The following SLC26A6 variants were observed in gnomAD, a reference collection of about 807,000 sequenced individuals.
The protein encoded by SLC26A6 is anion exchange transporter.
A neutral mutation model predicts 87.1 loss-of-function variants in SLC26A6; 67 were observed. That is an observed-to-expected ratio of 0.77 (90% CI 0.63 to 0.94). The LOEUF (loss-of-function observed/expected upper bound fraction) is 0.94, where lower values mean the gene tolerates loss of function less well. SLC26A6 is among the 40% of genes least tolerant of loss of function. SLC26A6 has a pLI of 0.00. For synonymous variants in SLC26A6, 414 were observed against 405.9 expected (o/e 1.02, Z -0.24); for missense variants, 902 against 973.0 (o/e 0.93, Z 0.97).
chr3:48,626,263 G>A lies in SLC26A6; in HGVS notation c.2220C>T (p.Thr740=), dbSNP rs1465710230. The A allele has an allele frequency of 5.0e-6, 8 of 1,614,074 alleles. No homozygotes were observed. The highest frequency in any genetic ancestry group is 1.3e-5 in the African/African-American group (1 of 75,006). Residue 740 remains threonine (T), a synonymous_variant, in exon 20 of 21, where the codon ACC becomes ACT. Coordinates refer to ENST00000395550, the MANE Select transcript of SLC26A6 (RefSeq NM_022911.3). The part of the protein sequence containing the change: ...HLFASVHDAV[T]FALQHPRPVP... ...CAGGCCTCGGGTGTTGGAGGGCAAA[G>A]GTGACAGCATCATGGACAGAGGCAA...
intron 11 of SLC26A6, 42 bp from the exon 12 acceptor site, chr3:48,630,199 C>G (rs759273815): frequency 5.0e-6 from 8 of 1,590,068 alleles, no homozygotes; most frequent in African/African-American, 1.3e-5. Flanking sequence ...TGAGGGCACC[C>G]GATGCTGACA....
Position 48,630,726 on chromosome 3 carries a change from G to A in SLC26A6, c.1135-6C>T, listed in dbSNP as rs778145854. ...AGGCCCAGGGCCACCAGCTCCTGAC[G>A]GGGGACAGTACGGGTGTGAGAAGAC... On this transcript the variant is annotated splice_polypyrimidine_tract_variant and splice_region_variant and intron_variant, in intron 9 of 20. Coordinates refer to ENST00000395550, the MANE Select transcript of SLC26A6 (RefSeq NM_022911.3). The A allele has an allele frequency of 1.3e-5, 21 of 1,592,038 alleles. No individual in the cohort carries two copies. The highest frequency in any genetic ancestry group is 1.6e-4 in the Middle Eastern group (1 of 6,066).
chr3:48,626,392 C>T (rs1184132395), intron 19 of SLC26A6, 38 bp from the exon 20 acceptor site: 23 of 1,613,108 alleles, frequency 1.4e-5, no homozygotes, highest in Non-Finnish European at 1.9e-5. Context: ...ACTCTCAGAA[C>T]CTCTAGGAAC....
rs369799016 is a variant in SLC26A6 at position 48,633,212 on chromosome 3, C to T, written c.322+39G>A. 12 of 1,602,524 alleles carry T rather than the reference C, an allele frequency of 7.5e-6. No individual in the cohort carries two copies. The East Asian group carries it at 2.0e-4, about 27-fold the overall frequency. The stretch of plus-strand genomic sequence containing the variant: ...TGGCCCCAGTTTTGGGCATCACAGA[C>T]CACAGGGTTTCCAGGCCGACGCACT... On this transcript the variant is annotated intron_variant, in intron 3 of 20. Transcript: ENST00000395550.
chr3:48,633,939 G>T, intron 1 of SLC26A6: 1 of 1,168,942 alleles, frequency 8.6e-7, no homozygotes, highest in Non-Finnish European at 1.1e-6. Context: ...TGTTCTACCA[G>T]TCCAGGTCCC....
chr3:48,628,586 T>TG lies in SLC26A6; in HGVS notation c.1692+35dup. On this transcript the variant is annotated intron_variant, in intron 15 of 20. Transcript: ENST00000395550. The surrounding 1 kb of genome is among the most constrained non-coding windows in gnomAD (Gnocchi z 4.4). ...AAGGGTTGGTGAGCTCTCTGGGAGC[T>TG]GGGGCCTGACACCCATCCTGGGGAC... 6.2e-7 allele frequency: 1 copy of TG among 1,613,986 alleles called. No homozygotes were observed. The highest frequency in any genetic ancestry group is 8.5e-7 in the Non-Finnish European group (1 of 1,179,974).
chr3:48,630,805 A>G (rs1012945042), intron 9 of SLC26A6, 85 bp from the exon 10 acceptor site: 2 of 1,502,968 alleles, frequency 1.3e-6, no homozygotes, highest in South Asian at 1.2e-5. Flanking sequence ...TGCATCCCCA[A>G]TCTCCATCCC....
intron 19 of SLC26A6, 30 bp from the exon 20 acceptor site, chr3:48,626,384 T>G: frequency 6.2e-7 from 1 of 1,613,626 alleles, no homozygotes; most frequent in Non-Finnish European, 8.5e-7. Flanking sequence ...CTCCCCTGAC[T>G]CTCAGAACCT....
Position 48,633,400 on chromosome 3 carries a change from T to C in SLC26A6, c.183-10A>G, listed in dbSNP as rs1157968310. On this transcript the variant is annotated splice_polypyrimidine_tract_variant and intron_variant, in intron 2 of 20. Coordinates refer to ENST00000395550, the MANE Select transcript of SLC26A6 (RefSeq NM_022911.3). ...CCGAGCACGGGAGCACCTAGGGACA[T>C]GATATGAGGGGTAGGTGTCAGGAAC... 18 of 1,612,946 alleles carry C rather than the reference T, an allele frequency of 1.1e-5. No individual in the cohort carries two copies. The highest frequency in any genetic ancestry group is 1.7e-5 in the Admixed American group (1 of 59,992).
chr3:48,634,967 G>T (rs1414186103), intron 1 of SLC26A6, among the ~76,000 whole-genome samples: 12 of 152,236 alleles, frequency 7.9e-5, no homozygotes, highest in Non-Finnish European at 1.8e-4. Flanking sequence ...ACTGGGGCCA[G>T]AAAGGCCGGA....
chr3:48,630,375 G>A, intron 11 of SLC26A6, 63 bp downstream of exon 11: 1 of 1,511,806 alleles, frequency 6.6e-7, no homozygotes, highest in Non-Finnish European at 9.0e-7. Context: ...CCTGAACCTA[G>A]ACTGGCTGAT....
chr3:48,630,733 A>G lies in SLC26A6; in HGVS notation c.1135-13T>C. ...GGGCCACCAGCTCCTGACGGGGGAC[A>G]GTACGGGTGTGAGAAGACTTCCTAG... On this transcript the variant is annotated splice_polypyrimidine_tract_variant and intron_variant, in intron 9 of 20. Transcript: ENST00000395550. The G allele has an allele frequency of 1.3e-6, 2 of 1,587,498 alleles. No individual in the cohort carries two copies. Among genetic ancestry groups the G allele is most frequent in the Non-Finnish European group, 1.7e-6 (2 of 1,165,746 alleles).
intron 7 of SLC26A6, 89 bp from the exon 8 acceptor site, chr3:48,631,395 TG>T: frequency 2.2e-6 from 3 of 1,381,980 alleles, no homozygotes; most frequent in Non-Finnish European, 2.9e-6. Context: ...AGGGAGATAC[TG>T]GGCAAAACCT....
intron 17 of SLC26A6, chr3:48,627,471 A>ATT: frequency 4.9e-5 from 9 of 182,756 alleles, no homozygotes; most frequent in Non-Finnish European, 9.0e-5. Flanking sequence ...TGACCCCTCA[A>ATT]TTTTTTTTTT....
chr3:48,628,809 G>A lies in SLC26A6; in HGVS notation c.1600-95C>T. 3.5e-6 allele frequency: 5 copies of A among 1,409,694 alleles called. No individual in the cohort carries two copies. Among genetic ancestry groups the A allele is most frequent in the Non-Finnish European group, 4.9e-6 (5 of 1,021,508 alleles). 87.3% of individuals were successfully genotyped at this position (1,409,694 alleles called of 1,614,324 possible). A position where few individuals can be genotyped will look rare whatever the true frequency, so the allele number is the denominator to read the frequency against. ...TCCTTCCCTAGTGTGCCCAGTGCCT[G>A]CCACCGCCCAGCCCTCTGCTCCCCA... On this transcript the variant is annotated intron_variant, in intron 14 of 20. Coordinates refer to ENST00000395550, the MANE Select transcript of SLC26A6 (RefSeq NM_022911.3). This position sits in a 1 kb window ranked among gnomAD's most constrained non-coding sequence, Gnocchi z 4.4.
Position 48,626,506 on chromosome 3 carries a change from T to G in SLC26A6, c.2128+125A>C, listed in dbSNP as rs1004251915. 1.2e-5 allele frequency: 18 copies of G among 1,544,016 alleles called. No homozygotes were observed. The African/African-American group carries it at 2.0e-4, about 18-fold the overall frequency. Reference sequence around the variant, plus strand: ...TCACTTGTAACCCTGGACTCCTGTCTCCCAGGACACCTCTGACCTCCAGTT... The same window carrying G: ...TCACTTGTAACCCTGGACTCCTGTCGCCCAGGACACCTCTGACCTCCAGTT... On this transcript the variant is annotated intron_variant, in intron 19 of 20. Coordinates refer to ENST00000395550, the MANE Select transcript of SLC26A6 (RefSeq NM_022911.3).
Position 48,627,399 on chromosome 3 carries a change from C to T in SLC26A6, c.1894-344G>A, listed in dbSNP as rs541138044. On this transcript the variant is annotated intron_variant, in intron 17 of 20. Transcript: ENST00000395550. ...AATAGACACGGGCATCCACATGAAA[C>T]GCATGCAGACACCTCGGCACCCTGC... 56 of 286,100 alleles carry T rather than the reference C, an allele frequency of 2.0e-4. 1 individual carries two copies. In the East Asian group the frequency reaches 2.6e-3, roughly 13 times the overall value. 17.7% of individuals were successfully genotyped at this position (286,100 alleles called of 1,614,324 possible).
At position 48,628,737 on chromosome 3, in the gene SLC26A6, G is replaced by A. The variant is rs769674564; in HGVS notation, c.1600-23C>T. On this transcript the variant is annotated intron_variant, in intron 14 of 20. Coordinates refer to ENST00000395550, the MANE Select transcript of SLC26A6 (RefSeq NM_022911.3). This position sits in a 1 kb window ranked among gnomAD's most constrained non-coding sequence, Gnocchi z 4.4. The stretch of plus-strand genomic sequence containing the variant: ...GGCCTGGGGATGAGGCAGAACTGGT[G>A]GTGGCTGAATCTCCTCTCTCCTGGC... 3.1e-6 allele frequency: 5 copies of A among 1,609,564 alleles called. No individual in the cohort carries two copies. Among genetic ancestry groups the A allele is most frequent in the Non-Finnish European group, 4.2e-6 (5 of 1,177,976 alleles).
At chr3:48,626,503 G>GT in intron 19 of SLC26A6, 128 bp downstream of exon 19, 1 of 1,541,770 alleles carries the variant, frequency 6.5e-7, no homozygotes, top group Non-Finnish European at 8.9e-7. Flanking sequence ...CTGGACTCCT[G>GT]TCTCCCAGGA....
Sources: gnomAD v4.1 joint callset for allele counts (sites outside exome capture counted in the v4.1 genomes callset) on GRCh38, gnomAD v4.1.1 for gene constraint, Gnocchi (gnomAD v3.1) non-coding constraint, MANE v1.5 for transcripts, NCBI Gene and HGNC (gene_info 2026-07-23, HGNC 2026-07-21) for gene names.